SPAG17: variants seen among roughly 807,000 people sequenced by gnomAD.
SPAG17 encodes the protein sperm associated antigen 17.
A neutral mutation model predicts 273.6 loss-of-function variants in SPAG17; 169 were observed. The observed-to-expected ratio is 0.62, with a 90% CI of 0.55 to 0.70. The LOEUF (loss-of-function observed/expected upper bound fraction) is 0.70, where lower values mean the gene tolerates loss of function less well. Ranked by LOEUF, SPAG17 falls within the 30% of genes least tolerant of loss-of-function variation. The pLI, the probability that SPAG17 is intolerant of heterozygous loss-of-function variation, is 0.00. For missense variants in SPAG17, 2,557 were observed against 2,627.8 expected (o/e 0.97, Z 0.59); for synonymous variants, 825 against 873.2 (o/e 0.94, Z 0.97).
At chr1:118,023,175 T>C in intron 28 of SPAG17, 129 bp downstream of exon 28, 1 of 557,982 alleles carries the variant, frequency 1.8e-6, no homozygotes, top group Admixed American at 3.8e-5. Context: ...TATGTATGTA[T>C]GTATAAGAAT....
chr1:118,179,886 A>C (rs1274892309), intron 1 of SPAG17, among the ~76,000 whole-genome samples: 1 of 152,102 alleles, frequency 6.6e-6, no homozygotes, highest in Non-Finnish European at 1.5e-5. Context: ...TCAAAACTAC[A>C]ATGAGATATC....
At chr1:118,102,056 T>C (rs1656104456) in intron 4 of SPAG17, 130 bp from the exon 5 acceptor site, 4 of 802,566 alleles carry the variant, frequency 5.0e-6, no homozygotes, top group Non-Finnish European at 7.8e-6. Flanking sequence ...GTATTCATTA[T>C]ATAAGTCAGC....
intron 1 of SPAG17, among the ~76,000 whole-genome samples, chr1:118,155,997 T>C (rs1450675095): frequency 8.5e-5 from 13 of 152,230 alleles, no homozygotes; most frequent in Non-Finnish European, 1.5e-5. Flanking sequence ...AAATGTATGT[T>C]TAAAATGGGC....
At chr1:118,089,064 A>C (rs2102179783) in intron 10 of SPAG17, among the ~76,000 whole-genome samples, 1 of 152,280 alleles carries the variant, frequency 6.6e-6, no homozygotes, top group South Asian at 2.1e-4. Context: ...GGGGAAGGGA[A>C]GAAAAAAATA....
At chr1:118,038,163 C>A (rs908780325) in intron 23 of SPAG17, among the ~76,000 whole-genome samples, 1 of 152,004 alleles carries the variant, frequency 6.6e-6, no homozygotes, top group Admixed American at 6.6e-5. Context: ...ATACAAATGG[C>A]AAATAAGCAT....
At position 118,054,022 on chromosome 1, in the gene SPAG17, T is replaced by A; in HGVS notation, c.2794A>T (p.Ile932Phe). 1 of 1,608,548 alleles carries A rather than the reference T, an allele frequency of 6.2e-7. No homozygotes were observed. Among genetic ancestry groups the A allele is most frequent in the Non-Finnish European group, 8.5e-7 (1 of 1,177,128 alleles). Reference sequence around the variant, plus strand: ...ATTACCTTGAGAGAGCCTTCTAAAATGAAAGGAATCTTTTCCTTCTCTTTT... The same window carrying A: ...ATTACCTTGAGAGAGCCTTCTAAAAAGAAAGGAATCTTTTCCTTCTCTTTT... ...KEKEKEKIPF[I>F]LEGSLKAWKE... The change falls in exon 20 of 49, where the codon ATT becomes TTT. Residue 932 changes from isoleucine (I) to phenylalanine (F), a missense_variant. Coordinates refer to ENST00000336338, the MANE Select transcript of SPAG17 (RefSeq NM_206996.4).
At chr1:118,117,064 T>C (rs1219096694) in intron 3 of SPAG17, among the ~76,000 whole-genome samples, 1 of 152,184 alleles carries the variant, frequency 6.6e-6, no homozygotes, top group Non-Finnish European at 1.5e-5. Flanking sequence ...ACCCCAAGAG[T>C]AGATGTCAAT....
intron 7 of SPAG17, among the ~76,000 whole-genome samples, chr1:118,094,353 A>G (rs1247034552): frequency 6.6e-6 from 1 of 152,232 alleles, no homozygotes; most frequent in Admixed American, 6.5e-5. Flanking sequence ...TAAGGACAAC[A>G]AATTATTTCA....
intron 3 of SPAG17, among the ~76,000 whole-genome samples, chr1:118,137,302 G>T (rs1658421477): frequency 6.6e-6 from 1 of 152,176 alleles, no homozygotes; most frequent in Non-Finnish European, 1.5e-5. Context: ...CTCTAACTAA[G>T]GATTGCCTGA....
At chr1:118,162,422 A>G (rs1659973445) in intron 1 of SPAG17, among the ~76,000 whole-genome samples, 1 of 152,208 alleles carries the variant, frequency 6.6e-6, no homozygotes, top group Non-Finnish European at 1.5e-5. Flanking sequence ...TCATTCATTC[A>G]GCTAATATTT....
chr1:118,167,262 C>T (rs1333214323), intron 1 of SPAG17, among the ~76,000 whole-genome samples: 2 of 152,052 alleles, frequency 1.3e-5, no homozygotes, highest in African/African-American at 2.4e-5. Context: ...AGAATTTGAA[C>T]TTAATTTCCA....
At chr1:118,108,639 C>T (rs1458018488) in intron 4 of SPAG17, among the ~76,000 whole-genome samples, 1 of 151,660 alleles carries the variant, frequency 6.6e-6, no homozygotes. Flanking sequence ...GTGCCTCTCT[C>T]CACGATGTTT....
At chr1:118,072,829 CAT>C (rs1371842015) in intron 17 of SPAG17, among the ~76,000 whole-genome samples, 3 of 151,658 alleles carry the variant, frequency 2.0e-5, no homozygotes, top group Non-Finnish European at 4.4e-5. Context: ...TGTACATGCA[CAT>C]GTGTGTTGGA....
At chr1:118,166,824 C>T (rs1660190615) in intron 1 of SPAG17, among the ~76,000 whole-genome samples, 1 of 152,102 alleles carries the variant, frequency 6.6e-6, no homozygotes, top group Admixed American at 6.6e-5. Context: ...ATATTTAAAG[C>T]TTTATTAATA....
chr1:118,091,705 G>C lies in SPAG17; in HGVS notation c.1260C>G (p.Ile420Met). 6.3e-7 allele frequency: 1 copy of C among 1,588,474 alleles called. No individual in the cohort carries two copies. The highest frequency in any genetic ancestry group is 8.6e-7 in the Non-Finnish European group (1 of 1,157,368). Residue 420 changes from isoleucine (I) to methionine (M), a missense_variant, in exon 10 of 49, where the codon ATC (isoleucine) becomes ATG (methionine). By Grantham distance (10) the Ile-to-Met change is conservative (BLOSUM62 1). Coordinates refer to ENST00000336338, the MANE Select transcript of SPAG17 (RefSeq NM_206996.4). ...PQAPPPVTSV[I>M]TTEVDMRYYN... ...AATATCTCATGTCTACTTCAGTTGT[G>C]ATGACTGAAGTCACTGTAAAATATA...
chr1:118,022,901 T>C (rs1647280195), intron 28 of SPAG17, among the ~76,000 whole-genome samples: 1 of 152,118 alleles, frequency 6.6e-6, no homozygotes, highest in African/African-American at 2.4e-5. Context: ...CCATCTTTTC[T>C]TGGAAGTTGC....
At chr1:118,161,883 CT>C (rs957114480) in intron 1 of SPAG17, among the ~76,000 whole-genome samples, 26 of 152,078 alleles carry the variant, frequency 1.7e-4, no homozygotes, top group African/African-American at 6.0e-4. Flanking sequence ...TGAAAGAGAA[CT>C]GGGGGGAAGG....
At chr1:118,060,415 G>A (rs899815677) in intron 18 of SPAG17, among the ~76,000 whole-genome samples, 1 of 151,962 alleles carries the variant, frequency 6.6e-6, no homozygotes, top group Non-Finnish European at 1.5e-5. Flanking sequence ...CCATGTAGCT[G>A]CAGCTCTTCC....
intron 18 of SPAG17, among the ~76,000 whole-genome samples, chr1:118,065,524 A>T (rs115337416): frequency 2.4e-3 from 360 of 152,286 alleles, no homozygotes; most frequent in Non-Finnish European, 4.2e-3. Flanking sequence ...ATTATAGCTG[A>T]ATCTTGCCCA....
Sources: allele counts gnomAD v4.1 joint callset (sites outside exome capture counted in the v4.1 genomes callset), GRCh38; gene constraint gnomAD v4.1.1; transcripts MANE v1.5; gene names NCBI Gene and HGNC (gene_info 2026-07-23, HGNC 2026-07-21).